Variants in ATG13 observed in about 807,000 individuals in gnomAD.
ATG13 encodes autophagy related 13.
In ATG13, 23 loss-of-function variants were observed where a neutral mutation model predicts 65.5. That is an observed-to-expected ratio of 0.35 (90% CI 0.25 to 0.50). The LOEUF is 0.50. ATG13 is among the 20% of genes least tolerant of loss of function. The probability of loss-of-function intolerance (pLI) is 0.98; values close to 1 mark genes in which losing one functional copy is unlikely to be tolerated. For synonymous variants in ATG13, 252 were observed against 245.2 expected (o/e 1.03, Z -0.26); for missense variants, 566 against 677.0 (o/e 0.84, Z 1.82).
chr11:46,669,004 T>G (rs1295586186), intron 17 of ATG13, 94 bp downstream of exon 17: 1 of 1,057,174 alleles, frequency 9.5e-7, no homozygotes, highest in Non-Finnish European at 1.4e-6. Flanking sequence ...TTCATAGGGA[T>G]CAGATGTGCT....
In ATG13 at chr11:46,645,452, G is replaced by A. The variant is rs577745912; in HGVS notation, c.150+33G>A. 147 of 1,558,802 alleles carry A rather than the reference G, an allele frequency of 9.4e-5. 2 individuals are homozygous for A. The South Asian group carries it at 1.6e-3, about 17-fold the overall frequency. On this transcript the variant is annotated intron_variant, in intron 4 of 18. Transcript: ENST00000683050. ...TCTATTATTTACTAAGGTGTATACTGTAGTGTTTGTCACAAGGAATGTGTA... is the reference window on the plus strand; with the variant it reads ...TCTATTATTTACTAAGGTGTATACTATAGTGTTTGTCACAAGGAATGTGTA...
chr11:46,656,260 T>A lies in ATG13; in HGVS notation c.486T>A (p.Ser162Arg), dbSNP rs561781278. 23 of 1,612,980 alleles carry A rather than the reference T, an allele frequency of 1.4e-5. 1 individual carries two copies. In the South Asian group the frequency reaches 2.4e-4, roughly 17 times the overall value. The change falls in exon 8 of 19, where the codon AGT becomes AGA. Residue 162 changes from serine (S) to arginine (R), a missense_variant. By Grantham distance (110) the Ser-to-Arg change is moderately radical. Around this residue, in one of 2 missense-constraint regions of ATG13, gnomAD observed 179 missense variants for 267.2 expected, o/e 0.67. Transcript: ENST00000683050. ...TATATTTTGGAGAAGTTCAGCTGAG[T>A]GGCTTAGGAGAAGGTATGTATCAAC... Reference protein sequence around the residue: ...YRIYFGEVQLSGLGEGFQTVR... With the variant: ...YRIYFGEVQLRGLGEGFQTVR...
intron 11 of ATG13, among the ~76,000 whole-genome samples, chr11:46,661,886 A>C (rs2061299884): frequency 6.6e-6 from 1 of 152,196 alleles, no homozygotes; most frequent in South Asian, 2.1e-4. Flanking sequence ...AGCAGGAGTT[A>C]ATGTCTGTGA....
chr11:46,617,942 G>T, intron 1 of ATG13, 52 bp downstream of exon 1: 1 of 399,154 alleles, frequency 2.5e-6, no homozygotes, highest in Non-Finnish European at 4.4e-6. Flanking sequence ...CCCCGGGTGG[G>T]AGGCTGTGGA....
intron 7 of ATG13, among the ~76,000 whole-genome samples, chr11:46,655,154 C>T (rs1345654548): frequency 6.6e-6 from 1 of 151,888 alleles, no homozygotes; most frequent in African/African-American, 2.4e-5. Context: ...AATCCCAGCA[C>T]TTTGGGAGGC....
intron 1 of ATG13, among the ~76,000 whole-genome samples, chr11:46,618,532 T>C (rs1381007511): frequency 6.6e-6 from 1 of 152,196 alleles, no homozygotes; most frequent in Non-Finnish European, 1.5e-5. Context: ...AAAAAAGAGA[T>C]TTTAAAAAAT....
At chr11:46,663,945 CTT>C (rs953835564) in intron 11 of ATG13, 50 bp from the exon 12 acceptor site, 23,643 of 738,086 alleles carry the variant, frequency 0.032, no homozygotes, top group Middle Eastern at 0.041. Context: ...AGTCCCTTTT[CTT>C]TTTTTTTTTT....
intron 1 of ATG13, among the ~76,000 whole-genome samples, chr11:46,618,839 A>T (rs2046294327): frequency 6.6e-6 from 1 of 151,722 alleles, no homozygotes; most frequent in South Asian, 2.1e-4. Flanking sequence ...ATTATTAGAG[A>T]TAAGGTATTG....
At chr11:46,651,689 G>A (rs2058933107) in intron 7 of ATG13, among the ~76,000 whole-genome samples, 1 of 152,092 alleles carries the variant, frequency 6.6e-6, no homozygotes, top group Admixed American at 6.6e-5. Context: ...AAATAATCCG[G>A]TACCTGAGAA....
In ATG13 at chr11:46,617,863, AACC is replaced by A; in HGVS notation, c.-94_-92del. 2.5e-6 allele frequency: 1 copy of A among 399,160 alleles called. No individual in the cohort carries two copies. The highest frequency in any genetic ancestry group is 4.4e-6 in the Non-Finnish European group (1 of 226,152). The allele number at this position is 399,160 out of a possible 1,614,324, so 24.7% of individuals were successfully genotyped here. The stretch of plus-strand genomic sequence containing the variant: ...CCCGGCCTCCGTAATGAGAGCCCGG[AACC>A]ACTCTTTGTGCCGCAGCTTCGCAGG... On this transcript the variant is annotated 5_prime_UTR_variant, in exon 1 of 19. Transcript: ENST00000683050.
chr11:46,620,636 G>A (rs577881944), intron 1 of ATG13, among the ~76,000 whole-genome samples: 4 of 151,902 alleles, frequency 2.6e-5, no homozygotes, highest in African/African-American at 7.2e-5. Context: ...ATACCTGGGC[G>A]TGGTGGCGCA....
intron 18 of ATG13, 83 bp from the exon 19 acceptor site, chr11:46,672,172 T>C: frequency 1.0e-5 from 16 of 1,601,474 alleles, no homozygotes; most frequent in Non-Finnish European, 1.3e-5. Flanking sequence ...TCTTGCTTGC[T>C]GCCTCCCCTC....
intron 2 of ATG13, among the ~76,000 whole-genome samples, chr11:46,634,638 G>A (rs981308221): frequency 1.3e-5 from 2 of 151,416 alleles, no homozygotes; most frequent in Non-Finnish European, 2.9e-5. Flanking sequence ...CAAGTAATCC[G>A]CCCACCTCAT....
At chr11:46,668,353 C>G (rs755406989) in intron 15 of ATG13, 146 bp from the exon 16 acceptor site, 34 of 748,222 alleles carry the variant, frequency 4.5e-5, no homozygotes, top group African/African-American at 1.0e-4. Flanking sequence ...GCTTGGAGAG[C>G]CTCTAACAAG....
At chr11:46,655,039 C>G (rs934911741) in intron 7 of ATG13, among the ~76,000 whole-genome samples, 2 of 151,988 alleles carry the variant, frequency 1.3e-5, no homozygotes, top group Non-Finnish European at 2.9e-5. Flanking sequence ...GTGGAGGTTG[C>G]AGTGAGCCAA....
At chr11:46,638,281 A>G (rs2054675390) in intron 2 of ATG13, among the ~76,000 whole-genome samples, 1 of 152,130 alleles carries the variant, frequency 6.6e-6, no homozygotes, top group Non-Finnish European at 1.5e-5. Flanking sequence ...TACTAAAAAT[A>G]CAAAAATCAG....
chr11:46,649,220 C>G, intron 6 of ATG13, 37 bp downstream of exon 6: 1 of 1,596,302 alleles, frequency 6.3e-7, no homozygotes, highest in Non-Finnish European at 8.5e-7. Context: ...GTTGTGGTTG[C>G]TGAGGATAAA....
At chr11:46,649,664 C>T (rs2058503758) in intron 6 of ATG13, among the ~76,000 whole-genome samples, 1 of 152,276 alleles carries the variant, frequency 6.6e-6, no homozygotes, top group African/African-American at 2.4e-5. Flanking sequence ...CCTGAAGCTT[C>T]AGTTTTCAAC....
At chr11:46,665,300 C>T in intron 13 of ATG13, 83 bp from the exon 14 acceptor site, 1 of 1,515,654 alleles carries the variant, frequency 6.6e-7, no homozygotes, top group Non-Finnish European at 9.0e-7. Context: ...AAGTCAAAAG[C>T]AGATACCATC....
Sources: allele counts gnomAD v4.1 joint callset (sites outside exome capture counted in the v4.1 genomes callset), GRCh38; gene constraint gnomAD v4.1.1; regional missense constraint gnomAD v4.1.1; transcripts MANE v1.5; gene names NCBI Gene and HGNC (gene_info 2026-07-23, HGNC 2026-07-21).